Variants in GTF2A1L observed in about 807,000 individuals in gnomAD.
GTF2A1L encodes general transcription factor IIA subunit 1 like.
Under a neutral mutation model 49.7 loss-of-function variants are expected in GTF2A1L, and 48 were observed. The observed-to-expected ratio is 0.97, with a 90% CI of 0.77 to 1.23. The LOEUF (loss-of-function observed/expected upper bound fraction) is 1.23. GTF2A1L is among the 50% of genes most tolerant of loss of function. GTF2A1L has a pLI of 0.00. For missense variants in GTF2A1L, 736 were observed against 564.8 expected (o/e 1.30, Z -3.07); for synonymous variants, 246 against 193.5 (o/e 1.27, Z -2.25).
At position 48,646,945 on chromosome 2, in the gene GTF2A1L, T is replaced by C. The variant is rs772327407; in HGVS notation, c.881T>C (p.Ile294Thr). 6.9e-5 allele frequency: 111 copies of C among 1,614,090 alleles called. 1 individual carries two copies. The highest frequency in any genetic ancestry group is 1.8e-4 in the East Asian group (8 of 44,900). ...HGALHQHVTD[I>T]QLHILKNRMY... ...GCTCTCCACCAGCACGTGACTGATA[T>C]TCAGCTTCATATTCTTAAAAATAGG... Residue 294 changes from isoleucine (I) to threonine (T), a missense_variant, in exon 6 of 9, where the codon ATT becomes ACT. Physicochemically the swap from Ile to Thr is moderately conservative, Grantham distance 89 (BLOSUM62 -1). Coordinates refer to ENST00000403751, the MANE Select transcript of GTF2A1L (RefSeq NM_006872.5).
At chr2:48,668,600 G>A (rs896597821) in intron 6 of GTF2A1L, 6 of 151,980 alleles carry the variant, frequency 3.9e-5, no homozygotes, top group African/African-American at 1.5e-4. Flanking sequence ...GGGAGGCCGA[G>A]GCGGGCGGAT....
chr2:48,671,020 C>G (rs1012974564), intron 7 of GTF2A1L, among the ~76,000 whole-genome samples: 1 of 151,994 alleles, frequency 6.6e-6, no homozygotes, highest in African/African-American at 2.4e-5. Context: ...TGGGGTTTCA[C>G]CATGCTGGCC....
chr2:48,643,080 G>A (rs1677291720), intron 4 of GTF2A1L, among the ~76,000 whole-genome samples: 1 of 152,018 alleles, frequency 6.6e-6, no homozygotes, highest in Non-Finnish European at 1.5e-5. Context: ...TTATATGCTT[G>A]TTACATCCTA....
chr2:48,633,982 G>A (rs1676739023), intron 3 of GTF2A1L, among the ~76,000 whole-genome samples: 1 of 152,112 alleles, frequency 6.6e-6, no homozygotes, highest in East Asian at 1.9e-4. Context: ...TTGCTTGGTG[G>A]ATCACTCTTC....
intron 3 of GTF2A1L, among the ~76,000 whole-genome samples, chr2:48,625,229 C>A (rs922889762): frequency 2.1e-5 from 3 of 143,806 alleles, no homozygotes; most frequent in Non-Finnish European, 3.1e-5. Context: ...CTTGTCGTCT[C>A]TTTTCTTTTT....
chr2:48,661,394 T>C (rs6706586), intron 6 of GTF2A1L, among the ~76,000 whole-genome samples: 32,976 of 151,188 alleles, frequency 0.22, 3,704 homozygotes, highest in South Asian at 0.25. Flanking sequence ...GCCGGGATTA[T>C]AGGTGCCCAC....
chr2:48,635,880 C>A (rs1432206060), intron 3 of GTF2A1L, among the ~76,000 whole-genome samples: 2 of 152,098 alleles, frequency 1.3e-5, no homozygotes, highest in African/African-American at 4.8e-5. Flanking sequence ...CGTCTCCAAC[C>A]CTTTCCCCAA....
chr2:48,655,102 C>T (rs1292144329), intron 6 of GTF2A1L, among the ~76,000 whole-genome samples: 3 of 151,636 alleles, frequency 2.0e-5, no homozygotes, highest in Non-Finnish European at 4.4e-5. Flanking sequence ...GACGTCTTCA[C>T]AATATTGAGT....
At chr2:48,651,319 G>A (rs959044082) in intron 6 of GTF2A1L, among the ~76,000 whole-genome samples, 1 of 152,038 alleles carries the variant, frequency 6.6e-6, no homozygotes, top group Non-Finnish European at 1.5e-5. Flanking sequence ...TATCAGCAGC[G>A]ACTTTCCTTT....
At chr2:48,650,308 TA>T (rs1363553889) in intron 6 of GTF2A1L, among the ~76,000 whole-genome samples, 3 of 151,746 alleles carry the variant, frequency 2.0e-5, no homozygotes, top group African/African-American at 7.3e-5. Context: ...ATTGGGCCAT[TA>T]AAAAAAAGTG....
intron 8 of GTF2A1L, among the ~76,000 whole-genome samples, chr2:48,675,926 G>C (rs1368568208): frequency 2.6e-5 from 4 of 151,536 alleles, no homozygotes; most frequent in Admixed American, 6.6e-5. Flanking sequence ...CCTTTGAATA[G>C]ATAGTGCATA....
At chr2:48,620,830 T>G (rs757607777) in intron 1 of GTF2A1L, 21 bp from the exon 2 acceptor site, 9 of 1,228,438 alleles carry the variant, frequency 7.3e-6, no homozygotes, top group Non-Finnish European at 7.4e-6. Flanking sequence ...AAATGAAACT[T>G]TAACAATTGC....
chr2:48,673,566 G>A (rs1679291593), intron 8 of GTF2A1L, among the ~76,000 whole-genome samples: 1 of 151,942 alleles, frequency 6.6e-6, no homozygotes, highest in South Asian at 2.1e-4. Flanking sequence ...GTTTCACCGT[G>A]TTAGCCAGGA....
At chr2:48,621,098 A>C in intron 2 of GTF2A1L, 69 bp from the exon 3 acceptor site, 1 of 1,536,144 alleles carries the variant, frequency 6.5e-7, no homozygotes, top group Non-Finnish European at 8.7e-7. Flanking sequence ...TAAGAAACTG[A>C]AAAAAAGAGA....
At chr2:48,668,943 G>A (rs1457743940) in intron 6 of GTF2A1L, among the ~76,000 whole-genome samples, 2 of 152,138 alleles carry the variant, frequency 1.3e-5, no homozygotes, top group Non-Finnish European at 2.9e-5. Context: ...TGAAGGTAAT[G>A]ATAAAATAAT....
In GTF2A1L at chr2:48,679,338, C is replaced by A. The variant is rs901094176; in HGVS notation, c.1333C>A (p.His445Asn). ...TAAACTACTTTTCTCCCTCCAGATT[C>A]ATCGAAGCAAGAACAAATGGAAATT... is the stretch of plus-strand genomic sequence containing the variant. The part of the protein sequence containing the change: ...NVIVCQYDKI[H>N]RSKNKWKFYL... Residue 445 changes from histidine (H) to asparagine (N), a missense_variant, in exon 9 of 9, where the codon CAT becomes AAT. Physicochemically the swap from His to Asn is moderately conservative, Grantham distance 68 (BLOSUM62 1). Transcript: ENST00000403751. The A allele has an allele frequency of 6.2e-7, 1 of 1,607,972 alleles. No individual in the cohort carries two copies. The highest frequency in any genetic ancestry group is 8.5e-7 in the Non-Finnish European group (1 of 1,178,054).
chr2:48,637,059 TG>T (rs1323042276), intron 3 of GTF2A1L, among the ~76,000 whole-genome samples: 1 of 152,192 alleles, frequency 6.6e-6, no homozygotes, highest in Middle Eastern at 3.2e-3. Flanking sequence ...TGAACTTAGA[TG>T]TGTTGAAAAT....
chr2:48,677,665 A>C (rs969924274), intron 8 of GTF2A1L, among the ~76,000 whole-genome samples: 2 of 152,012 alleles, frequency 1.3e-5, no homozygotes, highest in Non-Finnish European at 2.9e-5. Context: ...GGGTGTTGTC[A>C]GGGAACAAGG....
In GTF2A1L at chr2:48,651,436, C is replaced by CTT. The variant is rs397984530; in HGVS notation, c.978+4411_978+4412dup. Among the ~76,000 whole-genome samples the CTT allele has an allele frequency of 3.2e-3, 420 of 130,870 alleles. 3 individuals carry two copies. The highest frequency in any genetic ancestry group is 9.1e-3 in the African/African-American group (342 of 37,642). 85.9% of individuals were successfully genotyped at this position (130,870 alleles called of 152,430 possible). ...TCAAAGAATTTTTATGTTGTGAGTT[C>CTT]TTTTTTTTTTTTTTTTTTAAATTGG... is the stretch of plus-strand genomic sequence containing the variant. On this transcript the variant is annotated intron_variant, in intron 6 of 8. Transcript: ENST00000403751.
Sources: gnomAD v4.1 joint callset for allele counts (sites outside exome capture counted in the v4.1 genomes callset) on GRCh38, gnomAD v4.1.1 for gene constraint, MANE v1.5 for transcripts, NCBI Gene and HGNC (gene_info 2026-07-23, HGNC 2026-07-21) for gene names.